Variants in CDCA8 observed in about 807,000 individuals in gnomAD.
CDCA8 encodes borealin.
CDCA8 carries 25 observed loss-of-function variants against 40.0 expected under a neutral mutation model. The ratio of observed to expected loss-of-function variants is 0.63; its 90% CI spans 0.46 to 0.87. CDCA8 has a LOEUF of 0.87. CDCA8 is among the 40% of genes least tolerant of loss of function. The pLI, the probability that CDCA8 is intolerant of heterozygous loss-of-function variation, is 0.00. For synonymous variants in CDCA8, 111 were observed against 126.5 expected (o/e 0.88, Z 0.82); for missense variants, 280 against 348.4 (o/e 0.80, Z 1.56).
In CDCA8 at chr1:37,692,893, G is replaced by T. The variant is rs371780976; in HGVS notation, c.95-12G>T. 3.1e-6 allele frequency: 5 copies of T among 1,613,722 alleles called. No homozygotes were observed. In the African/African-American group the frequency reaches 6.7e-5, roughly 22 times the overall value. On this transcript the variant is annotated splice_polypyrimidine_tract_variant and intron_variant, in intron 1 of 9. Transcript: ENST00000373055. ...CCGTGACCCGTGTCCTGTCGGCTCT[G>T]CCCTCCCGCAGTGGAAATACGAATC...
At chr1:37,695,979 G>A (rs1380940958) in intron 3 of CDCA8, 29 bp downstream of exon 3, 5 of 1,610,168 alleles carry the variant, frequency 3.1e-6, no homozygotes, top group Non-Finnish European at 4.2e-6. Flanking sequence ...TTTCCAGCCA[G>A]TGGTTACTTA....
intron 8 of CDCA8, among the ~76,000 whole-genome samples, chr1:37,706,398 A>G (rs1645601943): frequency 6.6e-6 from 1 of 152,200 alleles, no homozygotes; most frequent in African/African-American, 2.4e-5. Flanking sequence ...GCAAGCCACC[A>G]CACCCGGCCT....
Position 37,708,487 on chromosome 1 carries a change from G to GGGAATTCA in CDCA8, c.*131_*138dup, listed in dbSNP as rs1439069983. On this transcript the variant is annotated 3_prime_UTR_variant, in exon 10 of 10. Transcript: ENST00000373055. ...AGAGCAAGGAGCCATGTTCCTCTAA[G>GGGAATTCA]GGAATTCAGGAATTCAGACGTGCTA... 7 of 961,904 alleles carry GGGAATTCA rather than the reference G, an allele frequency of 7.3e-6. No homozygotes were observed. The Admixed American group carries it at 7.6e-5, about 10-fold the overall frequency. The allele number at this position is 961,904 out of a possible 1,614,324, so 59.6% of individuals were successfully genotyped here. A position where few individuals can be genotyped will look rare whatever the true frequency, so the allele number is the denominator to read the frequency against.
chr1:37,703,855 G>T (rs1379263184), intron 7 of CDCA8, among the ~76,000 whole-genome samples: 1 of 152,174 alleles, frequency 6.6e-6, no homozygotes, highest in Non-Finnish European at 1.5e-5. Flanking sequence ...ATTCTTTAAT[G>T]GGAGGGAGGT....
At chr1:37,708,258 G>A in intron 9 of CDCA8, 64 bp from the exon 10 acceptor site, 1 of 1,467,618 alleles carries the variant, frequency 6.8e-7, no homozygotes, top group Non-Finnish European at 9.5e-7. Context: ...CTGACTGTGG[G>A]AGGCCAAGGG....
rs933868871 is a variant in CDCA8 at position 37,708,388 on chromosome 1, G to T, written c.*22G>T. ...ATGAGACACCAAAGTTGACAGGATGGACTTTTAATGGGCACTTCTGGGACC... is the reference window on the plus strand; with the variant it reads ...ATGAGACACCAAAGTTGACAGGATGTACTTTTAATGGGCACTTCTGGGACC... On this transcript the variant is annotated 3_prime_UTR_variant, in exon 10 of 10. Transcript: ENST00000373055. 7 of 1,611,398 alleles carry T rather than the reference G, an allele frequency of 4.3e-6. No homozygotes were observed. In the African/African-American group the frequency reaches 8.0e-5, roughly 18 times the overall value.
chr1:37,702,715 G>A (rs1023860485), intron 6 of CDCA8, among the ~76,000 whole-genome samples: 8 of 152,142 alleles, frequency 5.3e-5, no homozygotes, highest in Non-Finnish European at 1.0e-4. Context: ...ACTTTGGGAG[G>A]CCAAGGCAGG....
intron 2 of CDCA8, among the ~76,000 whole-genome samples, chr1:37,694,506 T>A (rs990541614): frequency 2.0e-5 from 3 of 152,366 alleles, no homozygotes; most frequent in African/African-American, 7.2e-5. Flanking sequence ...AGAAAAGAGC[T>A]ATTAGAAAAA....
Position 37,703,263 on chromosome 1 carries a change from C to A in CDCA8, c.500C>A (p.Ala167Asp), listed in dbSNP as rs1645577034. The stretch of plus-strand genomic sequence containing the variant: ...TTTCTTACCTGTAGGTCAAGCCGTG[C>A]TAACACTGTTACCCCAGCCGTGGGC... ...GKGKGKRSSR[A>D]NTVTPAVGRL... The change falls in exon 7 of 10, where the codon GCT (alanine) becomes GAT (aspartate). Residue 167 changes from alanine to aspartate, a missense_variant. By Grantham distance (126) the Ala-to-Asp change is moderately radical. Transcript: ENST00000373055. The A allele has an allele frequency of 4.3e-6, 7 of 1,613,466 alleles. No individual in the cohort carries two copies. The highest frequency in any genetic ancestry group is 4.2e-6 in the Non-Finnish European group (5 of 1,179,718).
chr1:37,700,110 T>C (rs750653940), intron 4 of CDCA8, among the ~76,000 whole-genome samples: 4 of 152,182 alleles, frequency 2.6e-5, no homozygotes, highest in Non-Finnish European at 4.4e-5. Context: ...TAAGCTATGA[T>C]AGTTTGATGC....
intron 1 of CDCA8, 51 bp downstream of exon 1, chr1:37,692,835 G>A (rs1483152377): frequency 1.2e-6 from 2 of 1,612,504 alleles, no homozygotes; most frequent in Admixed American, 3.3e-5. Flanking sequence ...GGATGCTGGC[G>A]GGTGGGGACA....
chr1:37,692,560 C>A lies in CDCA8; in HGVS notation c.-131C>A. 1.4e-6 allele frequency: 1 copy of A among 724,014 alleles called. No homozygotes were observed. The allele number at this position is 724,014 out of a possible 1,614,324, so 44.8% of individuals were successfully genotyped here. A position where few individuals can be genotyped will look rare whatever the true frequency, so the allele number is the denominator to read the frequency against. ...CTGGCACAGCGAGGTTTTGCTCAGC[C>A]CTTGTCTCGGGACCGCAGGTACGTG... On this transcript the variant is annotated 5_prime_UTR_variant, in exon 1 of 10. Transcript: ENST00000373055.
intron 3 of CDCA8, among the ~76,000 whole-genome samples, chr1:37,698,107 C>G (rs1320606124): frequency 6.6e-6 from 1 of 152,084 alleles, no homozygotes; most frequent in African/African-American, 2.4e-5. Flanking sequence ...TTATTGAGAC[C>G]CTGTAGATTT....
At chr1:37,705,726 G>T (rs1244135040) in intron 8 of CDCA8, among the ~76,000 whole-genome samples, 159 bp downstream of exon 8, 2 of 151,996 alleles carry the variant, frequency 1.3e-5, no homozygotes, top group South Asian at 2.1e-4. Flanking sequence ...TTCTCTCCCA[G>T]GTTAGAGGCC....
In CDCA8 at chr1:37,701,670, C is replaced by T. The variant is rs1645564795; in HGVS notation, c.424-84C>T. On this transcript the variant is annotated intron_variant, in intron 5 of 9. Transcript: ENST00000373055. ...AACTATCCAAAGCTTGTTCTTAATG[C>T]TTTAAAAAAAAAAAAAAAACCCTCC... 2.3e-5 allele frequency: 17 copies of T among 753,866 alleles called. No homozygotes were observed. In the South Asian group the frequency reaches 2.3e-4, roughly 10 times the overall value. The allele number at this position is 753,866 out of a possible 1,614,324, so 46.7% of individuals were successfully genotyped here. A position where few individuals can be genotyped will look rare whatever the true frequency, so the allele number is the denominator to read the frequency against.
intron 2 of CDCA8, among the ~76,000 whole-genome samples, chr1:37,695,188 G>A (rs1457088211): frequency 6.6e-6 from 1 of 150,954 alleles, no homozygotes; most frequent in Non-Finnish European, 1.5e-5. Flanking sequence ...ATATCTTTAA[G>A]CTTTAAAAAA....
chr1:37,706,843 T>G (rs1308488952), intron 8 of CDCA8, 135 bp from the exon 9 acceptor site: 7 of 667,042 alleles, frequency 1.0e-5, no homozygotes, highest in Non-Finnish European at 1.9e-5. Flanking sequence ...TCCTTAGAGC[T>G]AATATCCTTC....
At chr1:37,699,529 C>G (rs945076035) in intron 4 of CDCA8, among the ~76,000 whole-genome samples, 1 of 148,694 alleles carries the variant, frequency 6.7e-6, no homozygotes, top group Non-Finnish European at 1.5e-5. Flanking sequence ...CCCAGGAGTT[C>G]AAGACCAGCC....
chr1:37,708,324 C>A lies in CDCA8; in HGVS notation c.801C>A (p.Asn267Lys), dbSNP rs201991293. The change falls in exon 10 of 10, where the codon AAC becomes AAA. Residue 267 changes from asparagine to lysine, a missense_variant and splice_region_variant. Physicochemically the swap from Asn to Lys is moderately conservative, Grantham distance 94. Coordinates refer to ENST00000373055, the MANE Select transcript of CDCA8 (RefSeq NM_001256875.2). ...GACCTCTCTCCTTTTCTTTTTAGAA[C>A]CGTCTCGCCCAAATCTGCAGCAGCA... ...EALGNIKKLSNRLAQICSSIR... is the reference protein window; with the variant it reads ...EALGNIKKLSKRLAQICSSIR... 61 of 1,613,844 alleles carry A rather than the reference C, an allele frequency of 3.8e-5. No individual in the cohort carries two copies. Among genetic ancestry groups the A allele is most frequent in the Non-Finnish European group, 4.9e-5 (58 of 1,179,972 alleles).
Sources: gnomAD v4.1 joint callset for allele counts (sites outside exome capture counted in the v4.1 genomes callset) on GRCh38, gnomAD v4.1.1 for gene constraint, MANE v1.5 for transcripts, NCBI Gene and HGNC (gene_info 2026-07-23, HGNC 2026-07-21) for gene names.